The following RBFOX1 variants were observed in gnomAD, a reference collection of about 807,000 sequenced individuals.
The protein encoded by RBFOX1 is RNA binding protein fox-1 homolog 1.
RBFOX1 carries 8 observed loss-of-function variants against 57.7 expected under a neutral mutation model. The observed-to-expected ratio is 0.14, with a 90% CI of 0.08 to 0.25. The LOEUF (loss-of-function observed/expected upper bound fraction) is 0.25, where lower values mean the gene tolerates loss of function less well. Ranked by LOEUF, RBFOX1 falls within the 10% of genes least tolerant of loss-of-function variation. The pLI is 1.00. For synonymous variants in RBFOX1, 326 were observed against 222.4 expected, an observed-to-expected ratio of 1.47 and a Z score of -4.15; for missense variants, 611 against 548.5, an observed-to-expected ratio of 1.11 and a Z score of -1.14.
intron 4 of RBFOX1, among the ~76,000 whole-genome samples, chr16:7,474,235 C>T (rs929464770): frequency 6.6e-6 from 1 of 152,098 alleles, no homozygotes; most frequent in East Asian, 1.9e-4. Flanking sequence ...TGCAGTGAGC[C>T]GAGATCGCGC....
chr16:6,696,411 C>T (rs2061055910), intron 3 of RBFOX1, among the ~76,000 whole-genome samples: 1 of 152,126 alleles, frequency 6.6e-6, no homozygotes, highest in Admixed American at 6.6e-5. Context: ...TCATTTTCTT[C>T]CTAGTGAAAA....
chr16:5,830,954 C>T (rs2056245917), intron 3 of RBFOX1, among the ~76,000 whole-genome samples: 1 of 129,056 alleles, frequency 7.7e-6, no homozygotes, highest in African/African-American at 2.7e-5. Flanking sequence ...GTCTCACCTG[C>T]CACCATTTCC....
chr16:6,401,083 C>G (rs2093049552), intron 2 of RBFOX1, among the ~76,000 whole-genome samples: 1 of 151,994 alleles, frequency 6.6e-6, no homozygotes, highest in Non-Finnish European at 1.5e-5. Context: ...TAAAAGGAAC[C>G]AAAACTTATT....
At chr16:5,752,715 C>T (rs1239062340) in intron 3 of RBFOX1, among the ~76,000 whole-genome samples, 1 of 152,136 alleles carries the variant, frequency 6.6e-6, no homozygotes, top group Non-Finnish European at 1.5e-5. Context: ...GGCGTATAAG[C>T]AGTTGGGATT....
At chr16:6,832,756 C>G (rs544910702) in intron 3 of RBFOX1, among the ~76,000 whole-genome samples, 5 of 152,168 alleles carry the variant, frequency 3.3e-5, no homozygotes, top group African/African-American at 4.8e-5. Flanking sequence ...GTAACTGTCC[C>G]TACCTGTTTG....
At chr16:5,650,875 G>C (rs1458916233) in intron 3 of RBFOX1, among the ~76,000 whole-genome samples, 1 of 151,690 alleles carries the variant, frequency 6.6e-6, no homozygotes, top group African/African-American at 2.4e-5. Context: ...CAGTGAATGA[G>C]ACACAGGGAA....
chr16:5,891,552 C>G (rs965950380), intron 4 of RBFOX1, among the ~76,000 whole-genome samples: 10 of 152,148 alleles, frequency 6.6e-5, no homozygotes, highest in African/African-American at 2.4e-4. Flanking sequence ...CCCCGAGAGC[C>G]CGCTTAATTG....
intron 2 of RBFOX1, among the ~76,000 whole-genome samples, chr16:5,503,498 G>A (rs1204609772): frequency 1.3e-5 from 2 of 152,156 alleles, no homozygotes; most frequent in South Asian, 4.2e-4. Context: ...GTGCAGTGGC[G>A]CATGGCGCAA....
In RBFOX1 at chr16:5,308,377, C is replaced by T. The variant is rs934992931; in HGVS notation, c.219+68272C>T. ...AAATCACTTTCTGCCTTTGTCCGCT[C>T]CCAAGAGGCAACAACTTTGAATTCT... On this transcript the variant is annotated intron_variant, in intron 1 of 2. Coordinates refer to the RBFOX1 transcript ENST00000585867. Among the ~76,000 whole-genome samples the T allele has an allele frequency of 7.9e-5, 12 of 152,072 alleles. No individual in the cohort carries two copies. The East Asian group carries it at 1.2e-3, about 15-fold the overall frequency.
At chr16:6,701,097 T>G (rs2061769077) in intron 3 of RBFOX1, among the ~76,000 whole-genome samples, 1 of 151,626 alleles carries the variant, frequency 6.6e-6, no homozygotes, top group Admixed American at 6.6e-5. Flanking sequence ...ATTGGGGAGC[T>G]CCAGAGGTGA....
At chr16:6,287,158 A>C (rs1294506056) in intron 1 of RBFOX1, among the ~76,000 whole-genome samples, 1 of 152,180 alleles carries the variant, frequency 6.6e-6, no homozygotes, top group Non-Finnish European at 1.5e-5. Context: ...CGACAGGCAC[A>C]AAAAACTCCA....
In RBFOX1 at chr16:6,613,003, ATGTGTGTGTGTGTGTGTG is replaced by A. The variant is rs57236292; in HGVS notation, c.-63-41577_-63-41560del. On this transcript the variant is annotated intron_variant, in intron 2 of 15. Coordinates refer to ENST00000550418, the MANE Select transcript of RBFOX1 (RefSeq NM_018723.4). ...AGAGAAGGCAGGTGCCAGTCCCAGC[ATGTGTGTGTGTGTGTGTG>A]TGTGTGTGTGTGTGTGTGTGTGAGT... 3.8e-3 allele frequency among the ~76,000 whole-genome samples: 545 copies of A among 143,244 alleles called. 2 individuals are homozygous for A. Among genetic ancestry groups the A allele is most frequent in the African/African-American group, 0.013 (490 of 38,424 alleles). 94.0% of individuals were successfully genotyped at this position (143,244 alleles called of 152,430 possible).
chr16:6,976,535 A>C (rs1364254045), intron 3 of RBFOX1, among the ~76,000 whole-genome samples: 1 of 151,930 alleles, frequency 6.6e-6, no homozygotes, highest in African/African-American at 2.4e-5. Flanking sequence ...CCACGGTGCA[A>C]ACTAAAAAAG....
intron 4 of RBFOX1, among the ~76,000 whole-genome samples, chr16:7,320,643 C>T (rs1300008005): frequency 6.6e-6 from 1 of 152,182 alleles, no homozygotes; most frequent in Non-Finnish European, 1.5e-5. Flanking sequence ...ATTCATGAAA[C>T]TGGGATAATT....
At chr16:7,249,597 T>A (rs1465766236) in intron 4 of RBFOX1, among the ~76,000 whole-genome samples, 1 of 135,604 alleles carries the variant, frequency 7.4e-6, no homozygotes, top group African/African-American at 3.1e-5. Context: ...TAGGCTTCTT[T>A]CTTTAAAAAA....
chr16:7,315,324 A>C (rs1468523804), intron 4 of RBFOX1, among the ~76,000 whole-genome samples: 1 of 152,152 alleles, frequency 6.6e-6, no homozygotes, highest in Non-Finnish European at 1.5e-5. Context: ...TGATTTTAGG[A>C]AATGCTCTTG....
chr16:5,462,304 G>A (rs903366802), intron 1 of RBFOX1, among the ~76,000 whole-genome samples: 6 of 151,858 alleles, frequency 4.0e-5, no homozygotes, highest in Admixed American at 3.3e-4. Context: ...GAGTAGCTGG[G>A]ACTACAGGGG....
chr16:6,588,787 A>T (rs1043035629), intron 2 of RBFOX1, among the ~76,000 whole-genome samples: 1 of 152,186 alleles, frequency 6.6e-6, no homozygotes, highest in Non-Finnish European at 1.5e-5. Flanking sequence ...TTTCCCTGTC[A>T]TTCAGTTCAA....
At chr16:6,263,804 T>G (rs2097716398) in intron 1 of RBFOX1, among the ~76,000 whole-genome samples, 1 of 152,204 alleles carries the variant, frequency 6.6e-6, no homozygotes, top group African/African-American at 2.4e-5. Context: ...GAAGCACCAC[T>G]CCATCTGTGA....
Sources: gnomAD v4.1 joint callset for allele counts (sites outside exome capture counted in the v4.1 genomes callset) on GRCh38, gnomAD v4.1.1 for gene constraint, MANE v1.5 for transcripts, NCBI Gene and HGNC (gene_info 2026-07-23, HGNC 2026-07-21) for gene names.